RUNX1T1: variants seen among roughly 807,000 people sequenced by gnomAD.
The protein encoded by RUNX1T1 is protein CBFA2T1.
RUNX1T1 carries 4 observed loss-of-function variants against 62.8 expected under a neutral mutation model. The observed-to-expected ratio is 0.06, with a 90% CI of 0.03 to 0.15. The LOEUF is 0.15. RUNX1T1 is among the 10% of genes least tolerant of loss of function. The pLI is 1.00. For missense variants in RUNX1T1, 508 were observed against 754.3 expected (o/e 0.67, Z 3.82); for synonymous variants, 291 against 286.0 (o/e 1.02, Z -0.18).
intron 5 of RUNX1T1, among the ~76,000 whole-genome samples, chr8:92,002,605 C>CA (rs1210979153): frequency 6.6e-6 from 1 of 151,968 alleles, no homozygotes; most frequent in Non-Finnish European, 1.5e-5. Flanking sequence ...AACAAATTAC[C>CA]AAAATGTGTT....
At chr8:92,079,431 C>T (rs999264813) in intron 1 of RUNX1T1, among the ~76,000 whole-genome samples, 3 of 152,174 alleles carry the variant, frequency 2.0e-5, no homozygotes, top group African/African-American at 7.2e-5. Flanking sequence ...TCTTTGTAAG[C>T]AATTGTGTGT....
chr8:92,039,169 G>C (rs572319423), intron 1 of RUNX1T1, among the ~76,000 whole-genome samples: 15 of 146,178 alleles, frequency 1.0e-4, no homozygotes, highest in Non-Finnish European at 1.9e-4. Flanking sequence ...TTGAGACAGA[G>C]TCTCACTTAG....
chr8:92,043,594 A>C (rs1192831730), intron 1 of RUNX1T1, among the ~76,000 whole-genome samples: 1 of 152,130 alleles, frequency 6.6e-6, no homozygotes, highest in Non-Finnish European at 1.5e-5. Flanking sequence ...TGTTACACTA[A>C]AGATGGTATA....
At chr8:92,009,169 T>C (rs566132380) in intron 4 of RUNX1T1, among the ~76,000 whole-genome samples, 2 of 152,328 alleles carry the variant, frequency 1.3e-5, no homozygotes, top group African/African-American at 4.8e-5. Context: ...TTAAAAAATA[T>C]GGTAATACAA....
chr8:92,044,365 G>C (rs2130212262), intron 1 of RUNX1T1, among the ~76,000 whole-genome samples: 1 of 152,296 alleles, frequency 6.6e-6, no homozygotes, highest in South Asian at 2.1e-4. Context: ...TGTGACTTCT[G>C]CAAGTTCTCA....
At chr8:92,020,825 CTTTTTTT>C (rs372324370) in intron 1 of RUNX1T1, among the ~76,000 whole-genome samples, 1 of 130,666 alleles carries the variant, frequency 7.7e-6, no homozygotes, top group Non-Finnish European at 1.7e-5. Flanking sequence ...TTCCCATTTC[CTTTTTTT>C]TTTTTTTTTT....
chr8:91,958,799 C>T (rs1809771603), downstream of RUNX1T1: 1 of 179,616 alleles, frequency 5.6e-6, no homozygotes. Flanking sequence ...CATTTATGTA[C>T]ATCCCTCTTA....
At chr8:92,060,705 A>G (rs1348816149) in intron 1 of RUNX1T1, among the ~76,000 whole-genome samples, 1 of 151,734 alleles carries the variant, frequency 6.6e-6, no homozygotes, top group African/African-American at 2.4e-5. Flanking sequence ...GATGGCTAAA[A>G]TCATCCATTA....
intron 10 of RUNX1T1, among the ~76,000 whole-genome samples, chr8:91,967,391 C>A (rs1284135269): frequency 1.3e-5 from 2 of 151,972 alleles, no homozygotes; most frequent in Non-Finnish European, 2.9e-5. Context: ...CCCCGCCCAC[C>A]TACAAATAAT....
chr8:92,072,699 T>C (rs1377077639), intron 2 of RUNX1T1, among the ~76,000 whole-genome samples: 1 of 152,232 alleles, frequency 6.6e-6, no homozygotes. Context: ...CAGTGTGCAG[T>C]GCTACAATAA....
chr8:92,089,398 T>C (rs1836626361), intron 1 of RUNX1T1, among the ~76,000 whole-genome samples: 1 of 152,224 alleles, frequency 6.6e-6, no homozygotes, highest in African/African-American at 2.4e-5. Context: ...TCCTGAGATC[T>C]GATTCCTAGC....
intron 1 of RUNX1T1, among the ~76,000 whole-genome samples, chr8:92,038,142 A>G (rs1011354110): frequency 6.6e-6 from 1 of 151,990 alleles, no homozygotes; most frequent in Non-Finnish European, 1.5e-5. Flanking sequence ...GGCTCACTGC[A>G]CCCTCAACCT....
chr8:92,019,807 T>C (rs745391131), intron 1 of RUNX1T1, among the ~76,000 whole-genome samples: 43 of 151,860 alleles, frequency 2.8e-4, no homozygotes, highest in Non-Finnish European at 4.7e-4. Context: ...ATAATTTTGA[T>C]TTGAAAACAT....
intron 1 of RUNX1T1, among the ~76,000 whole-genome samples, chr8:92,038,336 T>C (rs542873890): frequency 6.6e-6 from 1 of 152,054 alleles, no homozygotes; most frequent in South Asian, 2.1e-4. Flanking sequence ...TAAAAAAGCA[T>C]AAAAAATCCT....
chr8:92,089,414 G>A (rs1389288506), intron 1 of RUNX1T1, among the ~76,000 whole-genome samples: 5 of 152,134 alleles, frequency 3.3e-5, no homozygotes, highest in Admixed American at 2.6e-4. Context: ...CTAGCCAGAT[G>A]ATAATGTGCC....
At chr8:92,005,880 G>T (rs544125918) in intron 4 of RUNX1T1, 1 of 152,232 alleles carries the variant, frequency 6.6e-6, no homozygotes, top group South Asian at 2.1e-4. Context: ...AATGGCCTGG[G>T]TACAGTCACA....
chr8:91,993,270 G>T (rs774066595), intron 5 of RUNX1T1, among the ~76,000 whole-genome samples: 2 of 152,114 alleles, frequency 1.3e-5, no homozygotes, highest in Non-Finnish European at 2.9e-5. Context: ...GAGATAATCA[G>T]GGGCAACAGG....
chr8:92,031,684 G>T (rs1826255129), intron 1 of RUNX1T1, among the ~76,000 whole-genome samples: 1 of 151,978 alleles, frequency 6.6e-6, no homozygotes, highest in Non-Finnish European at 1.5e-5. Flanking sequence ...TGCCCAGGCT[G>T]CTCTCAAACT....
chr8:91,979,724 C>A (rs907916358), intron 8 of RUNX1T1: 74 of 396,700 alleles, frequency 1.9e-4, no homozygotes, highest in African/African-American at 1.4e-3. Flanking sequence ...TGTGAAAGAA[C>A]AGAAAGAGCA....
Sources: allele counts gnomAD v4.1 joint callset (sites outside exome capture counted in the v4.1 genomes callset), GRCh38; gene constraint gnomAD v4.1.1; transcripts MANE v1.5; gene names NCBI Gene and HGNC (gene_info 2026-07-23, HGNC 2026-07-21).